The following TRAP1 variants were observed in gnomAD, a reference collection of about 807,000 sequenced individuals.
TRAP1 encodes heat shock protein 75 kDa, mitochondrial.
In TRAP1, 102 loss-of-function variants were observed where a neutral mutation model predicts 89.1. The ratio of observed to expected loss-of-function variants is 1.15; its 90% confidence interval spans 0.98 to 1.35. TRAP1 has a LOEUF of 1.35. Among genes scored for constraint, TRAP1 ranks in the 40% most tolerant of loss-of-function variants. TRAP1 has a pLI of 0.00. For missense variants in TRAP1, 1,256 were observed against 945.3 expected (o/e 1.33, Z -4.31); for synonymous variants, 508 against 388.0 (o/e 1.31, Z -3.64).
chr16:3,666,173 G>A, intron 11 of TRAP1, 55 bp from the exon 12 acceptor site: 1 of 1,558,748 alleles, frequency 6.4e-7, no homozygotes, highest in Non-Finnish European at 8.6e-7. Context: ...AAATACAAAT[G>A]GCCAGAGGGT....
At chr16:3,696,852 G>A (rs949384438) in intron 1 of TRAP1, among the ~76,000 whole-genome samples, 2 of 151,130 alleles carry the variant, frequency 1.3e-5, no homozygotes, top group East Asian at 1.9e-4. Flanking sequence ...TCAACCTTCC[G>A]AGTAGCTGAG....
At chr16:3,667,088 G>C (rs1357483862) in intron 11 of TRAP1, among the ~76,000 whole-genome samples, 1 of 152,142 alleles carries the variant, frequency 6.6e-6, no homozygotes, top group Non-Finnish European at 1.5e-5. Flanking sequence ...GGAGCGGGGG[G>C]ACAGTAGCCC....
intron 4 of TRAP1, among the ~76,000 whole-genome samples, chr16:3,683,681 C>T (rs982616147): frequency 1.1e-4 from 16 of 151,156 alleles, no homozygotes; most frequent in Non-Finnish European, 1.6e-4. Flanking sequence ...CCACTGCACC[C>T]GGCCATAAGG....
intron 1 of TRAP1, among the ~76,000 whole-genome samples, chr16:3,695,271 C>T (rs992605840): frequency 4.6e-5 from 7 of 152,040 alleles, no homozygotes; most frequent in Non-Finnish European, 8.8e-5. Flanking sequence ...GCAAAGAAAG[C>T]GGGAAGGGGA....
chr16:3,661,345 C>G (rs1035132226), intron 16 of TRAP1: 4 of 151,740 alleles, frequency 2.6e-5, no homozygotes, highest in Non-Finnish European at 5.9e-5. Context: ...CAGGAAGAAA[C>G]GAGGGAAATC....
At chr16:3,715,325 C>G (rs181161095) in intron 1 of TRAP1, among the ~76,000 whole-genome samples, 105 of 152,130 alleles carry the variant, frequency 6.9e-4, no homozygotes, top group African/African-American at 2.2e-3. Flanking sequence ...AAAGTCCCAG[C>G]TACTCGGGAG....
intron 6 of TRAP1, among the ~76,000 whole-genome samples, chr16:3,677,258 G>A (rs561860602): frequency 4.6e-5 from 7 of 152,240 alleles, no homozygotes; most frequent in East Asian, 3.9e-4. Flanking sequence ...GGAGCTCAGC[G>A]CGGGCCGGAC....
intron 4 of TRAP1, among the ~76,000 whole-genome samples, chr16:3,684,715 G>T (rs1034447864): frequency 1.3e-5 from 2 of 152,074 alleles, no homozygotes; most frequent in African/African-American, 4.8e-5. Context: ...GCTTGGACCT[G>T]GGAGGCGGAG....
intron 1 of TRAP1, among the ~76,000 whole-genome samples, chr16:3,708,172 C>T (rs891600354): frequency 1.3e-5 from 2 of 151,266 alleles, no homozygotes; most frequent in Non-Finnish European, 2.9e-5. Flanking sequence ...CACTCCAGCC[C>T]GGATGACAAA....
At chr16:3,685,776 G>C (rs987549499) in intron 4 of TRAP1, among the ~76,000 whole-genome samples, 2 of 152,156 alleles carry the variant, frequency 1.3e-5, no homozygotes, top group African/African-American at 4.8e-5. Context: ...GTTATTGCTG[G>C]ATGATGGGGT....
At chr16:3,674,592 AG>A (rs1384368850) in intron 8 of TRAP1, 98 bp from the exon 9 acceptor site, 1 of 1,452,692 alleles carries the variant, frequency 6.9e-7, no homozygotes, top group Non-Finnish European at 9.3e-7. Flanking sequence ...GGCCCTGGAC[AG>A]GCTCCTGGGA....
chr16:3,661,457 TG>T (rs2043069529), intron 16 of TRAP1: 1 of 151,818 alleles, frequency 6.6e-6, no homozygotes, highest in African/African-American at 2.4e-5. Context: ...CCCAGACACG[TG>T]GACAAGAATA....
intron 16 of TRAP1, chr16:3,660,689 C>G (rs528799501): frequency 2.0e-5 from 3 of 152,144 alleles, no homozygotes; most frequent in Non-Finnish European, 2.9e-5. Flanking sequence ...GATGCATCTC[C>G]CTCGCCTCCA....
chr16:3,679,799 A>G lies in TRAP1; in HGVS notation c.472-9T>C. On this transcript the variant is annotated splice_polypyrimidine_tract_variant and intron_variant, in intron 4 of 17. Coordinates refer to ENST00000246957, the MANE Select transcript of TRAP1 (RefSeq NM_016292.3). ...ATCCCGATACCAGTATCCTGAGGAG[A>G]GAGACGCACTAAGTGCCAAGCCCCC... The G allele has an allele frequency of 1.9e-6, 3 of 1,613,936 alleles. No homozygotes were observed. The highest frequency in any genetic ancestry group is 2.5e-6 in the Non-Finnish European group (3 of 1,179,944).
chr16:3,711,176 A>C (rs957267952), intron 1 of TRAP1, among the ~76,000 whole-genome samples: 2 of 152,028 alleles, frequency 1.3e-5, no homozygotes, highest in Non-Finnish European at 2.9e-5. Context: ...AGGCCTGGCC[A>C]ATTTTTTACC....
Position 3,671,756 on chromosome 16 carries a change from T to G in TRAP1, c.1201A>C (p.Ser401Arg). The change falls in exon 11 of 18, where the codon AGC becomes CGC. Residue 401 changes from serine to arginine, a missense_variant. Coordinates refer to ENST00000246957, the MANE Select transcript of TRAP1 (RefSeq NM_016292.3). ...GCGCTCTCCTGCAGCAGCTCCCGGC[T>G]GAGGTTCAGGGGAATGTCCTCACTG... Reference protein sequence around the residue: ...VDSEDIPLNLSRELLQESALI... With the variant: ...VDSEDIPLNLRRELLQESALI... 1 of 1,613,240 alleles carries G rather than the reference T, an allele frequency of 6.2e-7. No individual in the cohort carries two copies. Among genetic ancestry groups the G allele is most frequent in the Non-Finnish European group, 8.5e-7 (1 of 1,180,018 alleles).
intron 2 of TRAP1, chr16:3,689,870 A>C (rs1324695054): frequency 1.3e-5 from 2 of 152,348 alleles, no homozygotes; most frequent in African/African-American, 4.8e-5. Flanking sequence ...TCTCTCAGAA[A>C]GGAGGTCTCA....
chr16:3,663,338 A>T, intron 14 of TRAP1, 86 bp downstream of exon 14: 3 of 1,558,822 alleles, frequency 1.9e-6, no homozygotes, highest in Non-Finnish European at 2.6e-6. Context: ...ACTGACGAAA[A>T]CCCAAAGGAA....
At chr16:3,679,494 C>G (rs1182052696) in intron 5 of TRAP1, among the ~76,000 whole-genome samples, 1 of 152,150 alleles carries the variant, frequency 6.6e-6, no homozygotes, top group Non-Finnish European at 1.5e-5. Context: ...CATCTGCAGA[C>G]TTTGCTATCC....
Sources: allele counts gnomAD v4.1 joint callset (sites outside exome capture counted in the v4.1 genomes callset), GRCh38; gene constraint gnomAD v4.1.1; transcripts MANE v1.5; gene names NCBI Gene and HGNC (gene_info 2026-07-23, HGNC 2026-07-21).